The following CNTLN variants were observed in gnomAD, a reference collection of about 807,000 sequenced individuals.
CNTLN encodes centlein, centrosomal protein.
Under a neutral mutation model 180.0 loss-of-function variants are expected in CNTLN, and 212 were observed. The ratio of observed to expected loss-of-function variants is 1.18; its 90% confidence interval spans 1.05 to 1.32. CNTLN has a LOEUF of 1.32. Among genes scored for constraint, CNTLN ranks in the 40% most tolerant of loss-of-function variants. The probability of loss-of-function intolerance (pLI) is 0.00; values close to 1 mark genes in which losing one functional copy is unlikely to be tolerated. For synonymous variants in CNTLN, 722 were observed against 563.1 expected (o/e 1.28, Z -3.99); for missense variants, 2,095 against 1,610.9 (o/e 1.30, Z -5.14).
rs201934878 is a variant in CNTLN at position 17,395,043 on chromosome 9, C to T, written c.2589C>T (p.Asp863=). ...ATGTGTTTGAGAACCTCAGCAAGGA[C>T]GGCTGGGAGGATGTGAGTGAAAGCA... ...MSNVFENLSK[D]GWEDVSESSS... Residue 863 remains aspartate (D), a synonymous_variant, in exon 15 of 26, where the codon GAC becomes GAT. Transcript: ENST00000380647. The T allele has an allele frequency of 6.8e-5, 110 of 1,610,090 alleles. No individual in the cohort carries two copies. Among genetic ancestry groups the T allele is most frequent in the South Asian group, 2.5e-4 (23 of 90,772 alleles).
chr9:17,280,252 TG>T (rs1828583159), intron 6 of CNTLN, among the ~76,000 whole-genome samples: 1 of 152,202 alleles, frequency 6.6e-6, no homozygotes, highest in Non-Finnish European at 1.5e-5. Context: ...GAAGTATTGT[TG>T]GTTCTCAGTA....
intron 5 of CNTLN, among the ~76,000 whole-genome samples, chr9:17,270,947 C>CTTTTTTTTTTTTTTTTTTTTT (rs78896738): frequency 8.2e-6 from 1 of 122,156 alleles, no homozygotes; most frequent in African/African-American, 3.3e-5. Flanking sequence ...GAGAGGAGTT[C>CTTTTTTTTTTTTTTTTTTTTT]TTTTTTTTTT....
intron 18 of CNTLN, among the ~76,000 whole-genome samples, chr9:17,437,886 C>T (rs1829870783): frequency 6.6e-6 from 1 of 152,078 alleles, no homozygotes; most frequent in South Asian, 2.1e-4. Context: ...TCGTTCCTGT[C>T]ATTCTTGATT....
At chr9:17,306,412 G>A (rs938446008) in intron 7 of CNTLN, among the ~76,000 whole-genome samples, 3 of 152,196 alleles carry the variant, frequency 2.0e-5, no homozygotes, top group African/African-American at 7.2e-5. Context: ...GTCTCCCAAA[G>A]TGCTGGGATT....
chr9:17,452,365 C>G (rs2584539), intron 18 of CNTLN, among the ~76,000 whole-genome samples: 132,760 of 152,184 alleles, frequency 0.87, 58,166 homozygotes, highest in Non-Finnish European at 0.91. Flanking sequence ...CTTCTCTTGA[C>G]TAAAAGTTGG....
intron 6 of CNTLN, among the ~76,000 whole-genome samples, chr9:17,281,638 CATATTCCAT>C (rs1828670562): frequency 6.6e-6 from 1 of 152,168 alleles, no homozygotes; most frequent in Non-Finnish European, 1.5e-5. Flanking sequence ...ATGGCTGCAT[CATATTCCAT>C]GTTGTATATG....
At chr9:17,184,131 A>C (rs1404193607) in intron 2 of CNTLN, among the ~76,000 whole-genome samples, 3 of 152,164 alleles carry the variant, frequency 2.0e-5, no homozygotes, top group Non-Finnish European at 4.4e-5. Context: ...AATAGACATA[A>C]CTAATTTTGA....
intron 6 of CNTLN, among the ~76,000 whole-genome samples, chr9:17,277,511 G>A (rs1828386743): frequency 6.6e-6 from 1 of 151,964 alleles, no homozygotes; most frequent in Non-Finnish European, 1.5e-5. Flanking sequence ...ACAAAATAGG[G>A]TCTAGCACAT....
At chr9:17,192,705 A>T (rs901432999) in intron 2 of CNTLN, among the ~76,000 whole-genome samples, 1 of 152,230 alleles carries the variant, frequency 6.6e-6, no homozygotes, top group African/African-American at 2.4e-5. Flanking sequence ...TAAGGGGAGA[A>T]TTAGCTTTTA....
chr9:17,496,063 G>T (rs1833438664), intron 25 of CNTLN, among the ~76,000 whole-genome samples: 1 of 152,098 alleles, frequency 6.6e-6, no homozygotes, highest in African/African-American at 2.4e-5. Context: ...GCTAAGTGAT[G>T]CATAACTGTA....
At chr9:17,202,570 G>A (rs1822605428) in intron 2 of CNTLN, among the ~76,000 whole-genome samples, 1 of 148,534 alleles carries the variant, frequency 6.7e-6, no homozygotes, top group South Asian at 2.2e-4. Flanking sequence ...TTGCCATTAT[G>A]TAATGCCCTT....
chr9:17,402,229 A>G (rs910989787), intron 15 of CNTLN, among the ~76,000 whole-genome samples: 1 of 151,848 alleles, frequency 6.6e-6, no homozygotes, highest in African/African-American at 2.4e-5. Flanking sequence ...CCCCCATCAA[A>G]ATAAACAAAA....
At chr9:17,341,129 C>G (rs1187890250) in intron 11 of CNTLN, among the ~76,000 whole-genome samples, 181 bp downstream of exon 11, 3 of 152,066 alleles carry the variant, frequency 2.0e-5, no homozygotes, top group Non-Finnish European at 4.4e-5. Flanking sequence ...TTGGTAATAA[C>G]TATAGATTTT....
At chr9:17,306,144 C>CCA (rs1422875354) in intron 7 of CNTLN, among the ~76,000 whole-genome samples, 8 of 120,184 alleles carry the variant, frequency 6.7e-5, no homozygotes, top group African/African-American at 1.7e-4. Flanking sequence ...TATTAGTCGT[C>CCA]TATTTTTTTT....
chr9:17,408,128 C>CAAA (rs34374959), intron 15 of CNTLN, among the ~76,000 whole-genome samples: 1,331 of 58,834 alleles, frequency 0.023, 200 homozygotes, highest in Admixed American at 0.026. Flanking sequence ...GACTCTGTCT[C>CAAA]AAAAAAAAAA....
chr9:17,390,977 G>T (rs1826068571), intron 14 of CNTLN, among the ~76,000 whole-genome samples: 1 of 152,128 alleles, frequency 6.6e-6, no homozygotes, highest in Admixed American at 6.5e-5. Context: ...AAGGGCCACA[G>T]TTGACACTCC....
chr9:17,369,863 G>A lies in CNTLN; in HGVS notation c.1987+3146G>A, dbSNP rs185901299. ...TTAGCCAGGCATGGTGGCACATGCC[G>A]GTGATCCCAGCTACTTGGGAGGCTG... On this transcript the variant is annotated intron_variant, in intron 13 of 25. Coordinates refer to ENST00000380647, the MANE Select transcript of CNTLN (RefSeq NM_017738.4). Among the ~76,000 whole-genome samples the A allele has an allele frequency of 5.2e-3, 793 of 151,682 alleles. 5 individuals carry two copies. The highest frequency in any genetic ancestry group is 8.3e-3 in the Admixed American group (126 of 15,238).
At chr9:17,462,604 C>A (rs1831518476) in intron 19 of CNTLN, among the ~76,000 whole-genome samples, 1 of 151,508 alleles carries the variant, frequency 6.6e-6, no homozygotes, top group South Asian at 2.1e-4. Context: ...CATTAAAATT[C>A]TTAATTATTC....
chr9:17,519,274 G>A, the CNTLN span, among the ~76,000 whole-genome samples: 21 of 147,498 alleles, frequency 1.4e-4, no homozygotes, highest in Non-Finnish European at 1.8e-4. Context: ...AAAGAAAAAC[G>A]TATCCCTTCC....
Sources: gnomAD v4.1 joint callset for allele counts (sites outside exome capture counted in the v4.1 genomes callset) on GRCh38, gnomAD v4.1.1 for gene constraint, MANE v1.5 for transcripts, NCBI Gene and HGNC (gene_info 2026-07-23, HGNC 2026-07-21) for gene names.